SCML4: variants seen among roughly 807,000 people sequenced by gnomAD.
SCML4 encodes the protein sex comb on midleg-like protein 4.
SCML4 carries 34 observed loss-of-function variants against 41.1 expected under a neutral mutation model. The ratio of observed to expected loss-of-function variants is 0.83; its 90% CI spans 0.63 to 1.10. The LOEUF (loss-of-function observed/expected upper bound fraction) is 1.10. Ranked by LOEUF, SCML4 falls within the 50% of genes least tolerant of loss-of-function variation. The pLI is 0.00. For missense variants in SCML4, 522 were observed against 534.1 expected, an observed-to-expected ratio of 0.98 and a Z score of 0.22; for synonymous variants, 214 against 220.9, an observed-to-expected ratio of 0.97 and a Z score of 0.28.
In SCML4 at chr6:107,720,706, A is replaced by G. The variant is rs1299308338; in HGVS notation, c.970T>C (p.Cys324Arg). 1.3e-6 allele frequency: 2 copies of G among 1,550,312 alleles called. No individual in the cohort carries two copies. Among genetic ancestry groups the G allele is most frequent in the South Asian group, 1.2e-5 (1 of 80,020 alleles). ...RNTTSLEGNR[C>R]ASSPSQDAQD... ...GCTGATGCATGCATTACATTACCAC[A>G]TCTGTTTCCTTCAAGAGAGGTCGTG... Residue 324 changes from cysteine to arginine, a missense_variant, in exon 6 of 8, where the codon TGT becomes CGT. Transcript: ENST00000369020.
chr6:107,754,374 G>C (rs573119122), intron 2 of SCML4, among the ~76,000 whole-genome samples: 1 of 152,170 alleles, frequency 6.6e-6, no homozygotes, highest in African/African-American at 2.4e-5. Context: ...CTCTGACTTT[G>C]GTGTGACTTC....
Position 107,772,403 on chromosome 6 carries a change from A to G in SCML4, c.-59-17T>C. 5 of 1,365,902 alleles carry G rather than the reference A, an allele frequency of 3.7e-6. No homozygotes were observed. Among genetic ancestry groups the G allele is most frequent in the Non-Finnish European group, 4.9e-6 (5 of 1,018,360 alleles). 84.6% of individuals were successfully genotyped at this position (1,365,902 alleles called of 1,614,324 possible). On this transcript the variant is annotated splice_polypyrimidine_tract_variant and intron_variant, in intron 1 of 7. Coordinates refer to ENST00000369020, the MANE Select transcript of SCML4 (RefSeq NM_198081.5). ...GAAGAGGTGCTAAGAATTAGTCCAG[A>G]CACAAAGCAAAACAAAAACAGAAGG...
chr6:107,817,234 T>C (rs1055549362), intron 1 of SCML4, among the ~76,000 whole-genome samples: 1 of 152,184 alleles, frequency 6.6e-6, no homozygotes, highest in African/African-American at 2.4e-5. Context: ...CCCAAGCCAA[T>C]GAATAAGAAC....
At chr6:107,786,862 C>A (rs992425697) in intron 1 of SCML4, among the ~76,000 whole-genome samples, 2 of 152,346 alleles carry the variant, frequency 1.3e-5, no homozygotes, top group Admixed American at 1.3e-4. Flanking sequence ...CAATAAGACG[C>A]AGAGCATCCC....
intron 1 of SCML4, among the ~76,000 whole-genome samples, chr6:107,821,413 T>G (rs1029315059): frequency 6.6e-6 from 1 of 152,192 alleles, no homozygotes; most frequent in African/African-American, 2.4e-5. Flanking sequence ...GTTTAAAAGT[T>G]CCTTCTTAGA....
intron 5 of SCML4, among the ~76,000 whole-genome samples, chr6:107,734,324 C>T (rs1052568227): frequency 9.2e-5 from 14 of 152,142 alleles, no homozygotes; most frequent in Non-Finnish European, 1.5e-5. Flanking sequence ...TTACTTTCTA[C>T]CAAAATTTTA....
chr6:107,738,219 C>T (rs929721870), intron 5 of SCML4, among the ~76,000 whole-genome samples: 1 of 152,190 alleles, frequency 6.6e-6, no homozygotes. Context: ...CACAAACCAC[C>T]TTCAGATGTC....
intron 1 of SCML4, among the ~76,000 whole-genome samples, chr6:107,802,456 C>T (rs1227458295): frequency 2.0e-5 from 3 of 151,652 alleles, no homozygotes; most frequent in Non-Finnish European, 2.9e-5. Flanking sequence ...CAGTCAGGAG[C>T]CCAGGGTATT....
chr6:107,748,311 G>T (rs1387918678), intron 3 of SCML4, among the ~76,000 whole-genome samples: 11 of 152,210 alleles, frequency 7.2e-5, no homozygotes, highest in Non-Finnish European at 1.6e-4. Flanking sequence ...TGGTGCAAAG[G>T]AGTGCTGAAG....
At chr6:107,775,756 A>T (rs1268348207) in intron 1 of SCML4, among the ~76,000 whole-genome samples, 1 of 152,204 alleles carries the variant, frequency 6.6e-6, no homozygotes, top group Non-Finnish European at 1.5e-5. Flanking sequence ...TCTAGTGAGG[A>T]AGATTTGCCC....
At chr6:107,767,177 C>G (rs147639714) in intron 2 of SCML4, among the ~76,000 whole-genome samples, 1 of 151,890 alleles carries the variant, frequency 6.6e-6, no homozygotes, top group Non-Finnish European at 1.5e-5. Context: ...AGGGTGGTCT[C>G]GATCTCCTGA....
chr6:107,765,310 C>T (rs1269939337), intron 2 of SCML4, among the ~76,000 whole-genome samples: 1 of 152,158 alleles, frequency 6.6e-6, no homozygotes, highest in Non-Finnish European at 1.5e-5. Context: ...GCATCCTGAG[C>T]TCAGCAGAAC....
At chr6:107,734,194 T>C (rs982149656) in intron 5 of SCML4, among the ~76,000 whole-genome samples, 9 of 152,054 alleles carry the variant, frequency 5.9e-5, no homozygotes, top group African/African-American at 1.9e-4. Flanking sequence ...CTGCAAGGGG[T>C]TTACCACCAG....
intron 2 of SCML4, among the ~76,000 whole-genome samples, chr6:107,766,563 G>T (rs1242223596): frequency 6.6e-6 from 1 of 152,156 alleles, no homozygotes; most frequent in Non-Finnish European, 1.5e-5. Flanking sequence ...AGACCTCATT[G>T]TTTACGCTCA....
At chr6:107,811,759 C>T (rs556579634) in intron 1 of SCML4, among the ~76,000 whole-genome samples, 23 of 152,244 alleles carry the variant, frequency 1.5e-4, no homozygotes, top group Admixed American at 1.0e-3. Context: ...TCACAGAGTG[C>T]GCAGTGGGGA....
At chr6:107,724,213 G>A (rs1454191538) in intron 5 of SCML4, among the ~76,000 whole-genome samples, 3 of 152,158 alleles carry the variant, frequency 2.0e-5, no homozygotes, top group African/African-American at 7.2e-5. Flanking sequence ...ATGGCTAATG[G>A]TCAAAGACTG....
At chr6:107,766,578 AC>A (rs2114555670) in intron 2 of SCML4, among the ~76,000 whole-genome samples, 1 of 152,246 alleles carries the variant, frequency 6.6e-6, no homozygotes, top group South Asian at 2.1e-4. Context: ...CGCTCATTTT[AC>A]TCTTTAACAT....
At chr6:107,753,252 A>G (rs1299610976) in intron 2 of SCML4, among the ~76,000 whole-genome samples, 1 of 152,220 alleles carries the variant, frequency 6.6e-6, no homozygotes. Context: ...TAGTGCTGCC[A>G]CTATGGAAAA....
chr6:107,773,456 G>T lies in SCML4; in HGVS notation c.-59-1070C>A, dbSNP rs180718132. Among the ~76,000 whole-genome samples, 136 of 152,048 alleles carry T rather than the reference G, an allele frequency of 8.9e-4. 1 individual carries two copies. The highest frequency in any genetic ancestry group is 1.6e-3 in the Non-Finnish European group (109 of 67,990). ...AGAATACAAAAATTAGCCAGGCTTG[G>T]CTGCCCATGCCTGTAATCCCAGCTA... On this transcript the variant is annotated intron_variant, in intron 1 of 7. Coordinates refer to ENST00000369020, the MANE Select transcript of SCML4 (RefSeq NM_198081.5).
Sources: gnomAD v4.1 joint callset for allele counts (sites outside exome capture counted in the v4.1 genomes callset) on GRCh38, gnomAD v4.1.1 for gene constraint, MANE v1.5 for transcripts, NCBI Gene and HGNC (gene_info 2026-07-23, HGNC 2026-07-21) for gene names.